Variants in IQCN observed in about 807,000 individuals in gnomAD.
IQCN encodes the protein IQ motif containing N.
Under a neutral mutation model 64.4 loss-of-function variants are expected in IQCN, and 46 were observed. The ratio of observed to expected loss-of-function variants is 0.71; its 90% confidence interval spans 0.56 to 0.91. IQCN has a LOEUF of 0.91. IQCN is among the 40% of genes least tolerant of loss of function. IQCN has a pLI of 0.00. For missense variants in IQCN, 1,753 were observed against 1,857.4 expected (o/e 0.94, Z 1.03); for synonymous variants, 733 against 775.6 (o/e 0.95, Z 0.91).
At position 18,264,787 on chromosome 19, in the gene IQCN, T is replaced by A. The variant is rs1166691110; in HGVS notation, c.2753A>T (p.Glu918Val). The change falls in exon 3 of 4, where the codon GAG becomes GTG. Residue 918 changes from glutamate to valine, a missense_variant. Physicochemically the swap from Glu to Val is moderately radical, Grantham distance 121. Transcript: ENST00000392413. The surrounding 1 kb of genome is among the most constrained non-coding windows in gnomAD (Gnocchi z 4.3). ...WAALNQALSK[E>V]VLGATVTKAL... ...TTTGGTGACAGTGGCACCCAGGACC[T>A]CCTTGGACAGGGCCTGGTTCAGAGC... 6.4e-7 allele frequency: 1 copy of A among 1,551,912 alleles called. No homozygotes were observed. The highest frequency in any genetic ancestry group is 1.2e-5 in the South Asian group (1 of 84,370).
At chr19:18,269,174 T>G in intron 2 of IQCN, among the ~76,000 whole-genome samples, 1 of 105,690 alleles carries the variant, frequency 9.5e-6, no homozygotes, top group East Asian at 2.5e-4. Context: ...GGAGGGAAAT[T>G]AAAGAGAGCT....
Position 18,274,049 on chromosome 19 carries a change from T to C in IQCN, c.-110+354A>G, listed in dbSNP as rs188161764. On this transcript the variant is annotated intron_variant, in intron 1 of 3. Transcript: ENST00000392413. ...ACTTTGGGGGACCAAGGTGGGAGGA[T>C]CGCTGCAGCCCAAGAGTTTGAAAAC... Among the ~76,000 whole-genome samples the C allele has an allele frequency of 6.6e-4, 100 of 152,210 alleles. 1 individual carries two copies. The highest frequency in any genetic ancestry group is 1.2e-3 in the Admixed American group (18 of 15,284).
intron 1 of IQCN, among the ~76,000 whole-genome samples, chr19:18,274,082 G>A (rs1969799838): frequency 6.6e-6 from 1 of 152,062 alleles, no homozygotes; most frequent in Non-Finnish European, 1.5e-5. Context: ...AACAGCCTGG[G>A]CAACATGTCT....
chr19:18,264,705 C>T lies in IQCN; in HGVS notation c.2835G>A (p.Glu945=). Residue 945 remains glutamate, a synonymous_variant, in exon 3 of 4, where the codon GAG becomes GAA. Transcript: ENST00000392413. This position sits in a 1 kb window ranked among gnomAD's most constrained non-coding sequence, Gnocchi z 4.3. The part of the protein sequence containing the change: ...MALVKALSWS[E]LRLTLSRALS... ...GGGCTCGGGACAGGGTCAGGCGCAG[C>T]TCACTCCAGGACAGCGCCTTCACCA... The T allele has an allele frequency of 1.3e-6, 2 of 1,551,214 alleles. No homozygotes were observed. The highest frequency in any genetic ancestry group is 1.7e-6 in the Non-Finnish European group (2 of 1,146,984).
chr19:18,263,771 G>A (rs891075216), intron 3 of IQCN, among the ~76,000 whole-genome samples: 2 of 152,114 alleles, frequency 1.3e-5, no homozygotes, highest in Non-Finnish European at 2.9e-5. Flanking sequence ...CCCCACAGGT[G>A]AGGTAAGGCT....
chr19:18,272,647 G>A (rs1196367587), intron 1 of IQCN, among the ~76,000 whole-genome samples: 1 of 139,704 alleles, frequency 7.2e-6, no homozygotes, highest in Non-Finnish European at 1.5e-5. Context: ...GTCTCGTTCT[G>A]TCTCCCAGGC....
chr19:18,265,509 G>C lies in IQCN; in HGVS notation c.2031C>G (p.Cys677Trp), dbSNP rs764521537. The C allele has an allele frequency of 1.9e-6, 3 of 1,612,780 alleles. No individual in the cohort carries two copies. The highest frequency in any genetic ancestry group is 1.7e-4 in the Middle Eastern group (1 of 6,052). Residue 677 changes from cysteine to tryptophan, a missense_variant, in exon 3 of 4, where the codon TGC becomes TGG. Coordinates refer to ENST00000392413, the MANE Select transcript of IQCN (RefSeq NM_001145304.2). This position sits in a 1 kb window ranked among gnomAD's most constrained non-coding sequence, Gnocchi z 4.7. ...GGGCGGCCAGTGGTCTCTGGGACAG[G>C]CAGGGTGGATGTCTCTGGGATGAGG... ...TNASSQRHPPCLSQRPLAAPL... is the reference protein window; with the variant it reads ...TNASSQRHPPWLSQRPLAAPL...
chr19:18,270,763 G>A (rs1029486616), intron 1 of IQCN, among the ~76,000 whole-genome samples: 4 of 150,652 alleles, frequency 2.7e-5, no homozygotes, highest in African/African-American at 9.8e-5. Context: ...AGTGATTCTT[G>A]TGCCTCAGTC....
At position 18,265,470 on chromosome 19, in the gene IQCN, G is replaced by T; in HGVS notation, c.2070C>A (p.Ala690=). ...CAGTGGGCAGATGTCCCTGAGATGA[G>T]GCCTTGGTCAGCGGGGCGGCCAGTG... ...QRPLAAPLTK[A]SSQGHLPTEL... is the part of the protein sequence containing the mutation. Residue 690 remains alanine, a synonymous_variant, in exon 3 of 4, where the codon GCC becomes GCA. Transcript: ENST00000392413. This position sits in a 1 kb window ranked among gnomAD's most constrained non-coding sequence, Gnocchi z 4.7. 1 of 1,613,448 alleles carries T rather than the reference G, an allele frequency of 6.2e-7. No homozygotes were observed. The highest frequency in any genetic ancestry group is 8.5e-7 in the Non-Finnish European group (1 of 1,179,422).
rs750521518 is a variant in IQCN, at chr19:18,264,845, C to T, written c.2695G>A (p.Ala899Thr). The T allele has an allele frequency of 3.1e-6, 5 of 1,590,836 alleles. No homozygotes were observed. The highest frequency in any genetic ancestry group is 1.7e-6 in the Non-Finnish European group (2 of 1,168,988). Residue 899 changes from alanine (A) to threonine (T), a missense_variant, in exon 3 of 4, where the codon GCC becomes ACC. Transcript: ENST00000392413. This position sits in a 1 kb window ranked among gnomAD's most constrained non-coding sequence, Gnocchi z 4.3. Reference sequence around the variant, plus strand: ...ACTTCTCCCTGGGAGAGGGCTTTGGCCAACAGAGTGCGGAGATCCTCCTGG... The same window carrying T: ...ACTTCTCCCTGGGAGAGGGCTTTGGTCAACAGAGTGCGGAGATCCTCCTGG... ...ASQEDLRTLL[A>T]KALSQGEVWA...
At chr19:18,260,115 TGAGA>T (rs1019965138) in intron 3 of IQCN, 2 of 152,496 alleles carry the variant, frequency 1.3e-5, no homozygotes, top group African/African-American at 2.4e-5. Flanking sequence ...CTCATCAGCA[TGAGA>T]GAGATTTGGT....
At chr19:18,272,909 C>T (rs1230522672) in intron 1 of IQCN, among the ~76,000 whole-genome samples, 2 of 151,640 alleles carry the variant, frequency 1.3e-5, no homozygotes, top group Non-Finnish European at 2.9e-5. Context: ...CGCGCCTGGC[C>T]GAGCATTGTG....
Position 18,266,574 on chromosome 19 carries a change from G to C in IQCN, c.966C>G (p.Thr322=). The change falls in exon 3 of 4, where the codon ACC becomes ACG. Residue 322 remains threonine (T), a synonymous_variant. Transcript: ENST00000392413. This position sits in a 1 kb window ranked among gnomAD's most constrained non-coding sequence, Gnocchi z 4.3. ...AQTQGPVKAE[T]PKAPFQICPG... ...GACATATCTGGAAGGGGGCTTTGGG[G>C]GTCTCTGCTTTCACAGGGCCCTGGG... 6.2e-7 allele frequency: 1 copy of C among 1,613,540 alleles called. No homozygotes were observed. The highest frequency in any genetic ancestry group is 8.5e-7 in the Non-Finnish European group (1 of 1,179,668).
chr19:18,267,101 G>A lies in IQCN; in HGVS notation c.439C>T (p.His147Tyr). Residue 147 changes from histidine to tyrosine, a missense_variant, in exon 3 of 4, where the codon CAC becomes TAC. Transcript: ENST00000392413. ...TTCTTTACCAACGACTTGCTGGAGT[G>A]AAGGATGTGTCTCTTGTTGAAGCGC... ...WRRFNKRHIL[H>Y]SSKSLVKKTR... 6.2e-7 allele frequency: 1 copy of A among 1,614,252 alleles called. No homozygotes were observed. Among genetic ancestry groups the A allele is most frequent in the Non-Finnish European group, 8.5e-7 (1 of 1,180,054 alleles).
At position 18,257,582 on chromosome 19, in the gene IQCN, G is replaced by A. The variant is rs2073876610; in HGVS notation, c.3702C>T (p.Ser1234=). Residue 1234 remains serine, a synonymous_variant, in exon 4 of 4, where the codon TCC becomes TCT. Transcript: ENST00000392413. ...CQAHACSVCH[S]LSSRIGSPPS... ...GCGGGCTCCCGATCCTGGAGCTCAG[G>A]GAGTGGCAGACGCTGCAAGCGTGTG... The A allele has an allele frequency of 6.8e-6, 11 of 1,612,720 alleles. No individual in the cohort carries two copies. The highest frequency in any genetic ancestry group is 1.3e-5 in the African/African-American group (1 of 75,066).
Position 18,266,201 on chromosome 19 carries a change from C to T in IQCN, c.1339G>A (p.Gly447Arg). 6.2e-7 allele frequency: 1 copy of T among 1,613,844 alleles called. No individual in the cohort carries two copies. The highest frequency in any genetic ancestry group is 8.5e-7 in the Non-Finnish European group (1 of 1,179,952). Residue 447 changes from glycine (G) to arginine (R), a missense_variant, in exon 3 of 4, where the codon GGG becomes AGG. Transcript: ENST00000392413. This position sits in a 1 kb window ranked among gnomAD's most constrained non-coding sequence, Gnocchi z 4.3. The stretch of plus-strand genomic sequence containing the variant: ...GGTGGGGTCTTTGCCATCGCAGGCC[C>T]CGGGCATACCTGGGGCAGGCTCTTC... The part of the protein sequence containing the change: ...IMKSLPQVCP[G>R]PAMAKTPPQM...
In IQCN at chr19:18,264,795, CAG is replaced by C; in HGVS notation, c.2743_2744del (p.Leu915ValfsTer30). The C allele has an allele frequency of 6.4e-7, 1 of 1,552,878 alleles. No individual in the cohort carries two copies. Among genetic ancestry groups the C allele is most frequent in the Non-Finnish European group, 8.7e-7 (1 of 1,147,782 alleles). ...GEVWAALNQA[L>X]SKEVLGATVT... ...CAGTGGCACCCAGGACCTCCTTGGA[CAG>C]GGCCTGGTTCAGAGCTGCCCAGACT... On this transcript the variant is annotated frameshift_variant, in exon 3 of 4. Coordinates refer to ENST00000392413, the MANE Select transcript of IQCN (RefSeq NM_001145304.2). LOFTEE classifies it high-confidence loss of function. This position sits in a 1 kb window ranked among gnomAD's most constrained non-coding sequence, Gnocchi z 4.3.
rs1160716482 is a variant in IQCN, at chr19:18,264,122, TGAG to T, written c.3177+238_3177+240del. ...GGAACTTGGGGCTCAAATCCAGGTT[TGAG>T]GAGAAGTCCCTGCTGGACTCCATCA... On this transcript the variant is annotated intron_variant, in intron 3 of 3. Coordinates refer to ENST00000392413, the MANE Select transcript of IQCN (RefSeq NM_001145304.2). This position sits in a 1 kb window ranked among gnomAD's most constrained non-coding sequence, Gnocchi z 4.3. Among the ~76,000 whole-genome samples the T allele has an allele frequency of 1.3e-5, 2 of 152,142 alleles. No individual in the cohort carries two copies. The highest frequency in any genetic ancestry group is 6.5e-5 in the Admixed American group (1 of 15,270).
In IQCN at chr19:18,257,938, C is replaced by T. The variant is rs61740685; in HGVS notation, c.3346G>A (p.Ala1116Thr). The T allele has an allele frequency of 5.6e-4, 904 of 1,612,864 alleles. 1 individual carries two copies. The highest frequency in any genetic ancestry group is 5.3e-4 in the Non-Finnish European group (622 of 1,179,942). ...ACGCCCGCCTGGATAGTGATCACTGCGAGGATGCGGATCTCCTCTGCAGCC... is the reference window on the plus strand; with the variant it reads ...ACGCCCGCCTGGATAGTGATCACTGTGAGGATGCGGATCTCCTCTGCAGCC... ...MQAAEEIRILAVITIQAGVRG... is the reference protein window; with the variant it reads ...MQAAEEIRILTVITIQAGVRG... Residue 1116 changes from alanine (A) to threonine (T), a missense_variant, in exon 4 of 4, where the codon GCA (alanine) becomes ACA (threonine). Physicochemically the swap from Ala to Thr is moderately conservative, Grantham distance 58 (BLOSUM62 0). Coordinates refer to ENST00000392413, the MANE Select transcript of IQCN (RefSeq NM_001145304.2).
Sources: gnomAD v4.1 joint callset for allele counts (sites outside exome capture counted in the v4.1 genomes callset) on GRCh38, gnomAD v4.1.1 for gene constraint, Gnocchi (gnomAD v3.1) non-coding constraint, MANE v1.5 for transcripts, NCBI Gene and HGNC (gene_info 2026-07-23, HGNC 2026-07-21) for gene names.